MDN1: variants seen among roughly 807,000 people sequenced by gnomAD.
MDN1 encodes midasin.
MDN1 carries 266 observed loss-of-function variants against 669.2 expected under a neutral mutation model. The ratio of observed to expected loss-of-function variants is 0.40; its 90% confidence interval spans 0.36 to 0.44. MDN1 has a LOEUF of 0.44. Ranked by LOEUF, MDN1 falls within the 20% of genes least tolerant of loss-of-function variation. The probability of loss-of-function intolerance (pLI) is 1.00; values close to 1 mark genes in which losing one functional copy is unlikely to be tolerated. For synonymous variants in MDN1, 2,385 were observed against 2,457.1 expected (o/e 0.97, Z 0.87); for missense variants, 5,940 against 6,754.0 (o/e 0.88, Z 4.22).
At chr6:89,689,234 T>TA (rs1812222117) in intron 65 of MDN1, among the ~76,000 whole-genome samples, 1 of 152,202 alleles carries the variant, frequency 6.6e-6, no homozygotes, top group Non-Finnish European at 1.5e-5. Flanking sequence ...TAGAGAACTG[T>TA]AATCCTAATA....
At chr6:89,769,713 T>C (rs764921169) in intron 15 of MDN1, among the ~76,000 whole-genome samples, 6 of 152,236 alleles carry the variant, frequency 3.9e-5, no homozygotes, top group Admixed American at 2.6e-4. Flanking sequence ...AACCAAATTC[T>C]AGTTAATCAT....
At chr6:89,779,611 C>T (rs1045817341) in intron 11 of MDN1, among the ~76,000 whole-genome samples, 19 of 152,220 alleles carry the variant, frequency 1.2e-4, no homozygotes, top group East Asian at 3.9e-4. Flanking sequence ...TATTATTACC[C>T]GGGAGTTTCT....
chr6:89,688,096 G>C lies in MDN1; in HGVS notation c.11337C>G (p.Ile3779Met). ...PISKFLNGLE[I>M]LLAKAQDWEE... Reference sequence around the variant, plus strand: ...AGCTCACCTGTGCCTTTGCCAGAAGGATCTCTAAGCCATTCAGGAACTTTG... The same window carrying C: ...AGCTCACCTGTGCCTTTGCCAGAAGCATCTCTAAGCCATTCAGGAACTTTG... The change falls in exon 67 of 102, where the codon ATC becomes ATG. Residue 3779 changes from isoleucine (I) to methionine (M), a missense_variant. Coordinates refer to ENST00000369393, the MANE Select transcript of MDN1 (RefSeq NM_014611.3). 1 of 1,613,994 alleles carries C rather than the reference G, an allele frequency of 6.2e-7. No homozygotes were observed. The highest frequency in any genetic ancestry group is 8.5e-7 in the Non-Finnish European group (1 of 1,179,840).
At chr6:89,741,208 G>A (rs367863586) in intron 31 of MDN1, among the ~76,000 whole-genome samples, 1 of 152,112 alleles carries the variant, frequency 6.6e-6, no homozygotes, top group African/African-American at 2.4e-5. Flanking sequence ...CTCCAGCCTG[G>A]GCAATACAGC....
At chr6:89,815,307 T>A (rs1768749260) in intron 1 of MDN1, 1 of 479,224 alleles carries the variant, frequency 2.1e-6, no homozygotes, top group Non-Finnish European at 4.1e-6. Flanking sequence ...GAATTCGGCA[T>A]CTCCAGAAGC....
At chr6:89,713,067 G>A in intron 47 of MDN1, 81 bp downstream of exon 47, 2 of 1,473,176 alleles carry the variant, frequency 1.4e-6, no homozygotes, top group Non-Finnish European at 1.8e-6. Flanking sequence ...TCACTGGGTT[G>A]CCACCTTTAA....
chr6:89,653,247 C>T, intron 93 of MDN1, 92 bp from the exon 94 acceptor site: 1 of 1,242,216 alleles, frequency 8.1e-7, no homozygotes, highest in Non-Finnish European at 1.1e-6. Flanking sequence ...GAAAATTAAT[C>T]AAACTTCATT....
intron 71 of MDN1, among the ~76,000 whole-genome samples, chr6:89,684,319 G>A (rs1423048811): frequency 1.3e-5 from 2 of 151,320 alleles, no homozygotes; most frequent in Non-Finnish European, 2.9e-5. Flanking sequence ...CTCCAGCCTA[G>A]GCAACAGAGT....
chr6:89,708,674 ACTCCTTGC>A, intron 50 of MDN1, 46 bp from the exon 51 acceptor site: 4 of 1,587,732 alleles, frequency 2.5e-6, no homozygotes, highest in Non-Finnish European at 3.4e-6. Context: ...TATTGGAGAA[ACTCCTTGC>A]CTGGGAAGTT....
rs1226560372 is a variant in MDN1 at position 89,712,676 on chromosome 6, G to C, written c.7329C>G (p.Leu2443=). The C allele has an allele frequency of 2.5e-6, 4 of 1,614,100 alleles. No individual in the cohort carries two copies. The Admixed American group carries it at 6.7e-5, about 27-fold the overall frequency. ...GLWPDSVPSA[L]FATEDSHLST... ...ACAGGTGTGAATCTTCAGTAGCAAA[G>C]AGAGCTGAGGGCACAGAATCTGGCC... The change falls in exon 48 of 102, where the codon CTC becomes CTG. Residue 2443 remains leucine, a synonymous_variant. Coordinates refer to ENST00000369393, the MANE Select transcript of MDN1 (RefSeq NM_014611.3).
intron 27 of MDN1, among the ~76,000 whole-genome samples, chr6:89,746,584 A>C (rs1194337912): frequency 9.3e-6 from 1 of 107,196 alleles, no homozygotes; most frequent in Non-Finnish European, 1.8e-5. Context: ...ACAGAGGGAG[A>C]CTCTATCTCA....
intron 15 of MDN1, among the ~76,000 whole-genome samples, chr6:89,767,518 G>A (rs1006948532): frequency 1.3e-5 from 2 of 152,048 alleles, no homozygotes; most frequent in Non-Finnish European, 2.9e-5. Flanking sequence ...AGGACTTTGG[G>A]AGGCTGAGGC....
chr6:89,788,065 C>T (rs963783475), intron 7 of MDN1, 108 bp from the exon 8 acceptor site: 2 of 951,056 alleles, frequency 2.1e-6, no homozygotes, highest in South Asian at 1.5e-5. Context: ...TTAAAGGAAA[C>T]GTCAGCTCTC....
Position 89,672,274 on chromosome 6 carries a change from T to C in MDN1, c.13720A>G (p.Ile4574Val), listed in dbSNP as rs1361099582. Reference sequence around the variant, plus strand: ...AACAGCTCGGAGATGGCAGAAATTATTTTCTGCACGTGCAAAGTGCTCACA... The same window carrying C: ...AACAGCTCGGAGATGGCAGAAATTACTTTCTGCACGTGCAAAGTGCTCACA... The part of the protein sequence containing the change: ...ADVSTLHVQK[I>V]ISAISELLER... The change falls in exon 82 of 102, where the codon ATA becomes GTA. Residue 4574 changes from isoleucine (I) to valine (V), a missense_variant. Physicochemically the swap from Ile to Val is conservative, Grantham distance 29 (BLOSUM62 3). Transcript: ENST00000369393. 1.9e-6 allele frequency: 3 copies of C among 1,612,262 alleles called. No homozygotes were observed. The highest frequency in any genetic ancestry group is 2.5e-6 in the Non-Finnish European group (3 of 1,179,708).
At chr6:89,787,551 G>A (rs190273245) in intron 8 of MDN1, among the ~76,000 whole-genome samples, 2 of 152,198 alleles carry the variant, frequency 1.3e-5, no homozygotes, top group Admixed American at 1.3e-4. Context: ...CTAAGTAGCA[G>A]TGTCAGGACT....
intron 80 of MDN1, 49 bp downstream of exon 80, chr6:89,673,187 A>G (rs761663860): frequency 6.9e-7 from 1 of 1,456,716 alleles, no homozygotes; most frequent in South Asian, 1.1e-5. Flanking sequence ...TCTATAAGAC[A>G]TCATTTCTAC....
intron 2 of MDN1, among the ~76,000 whole-genome samples, chr6:89,799,870 G>A (rs928663303): frequency 3.9e-5 from 6 of 152,058 alleles, no homozygotes; most frequent in African/African-American, 7.2e-5. Flanking sequence ...TGTAATTTCC[G>A]ATGCAGTAAG....
chr6:89,771,217 A>C (rs953710053), intron 15 of MDN1, among the ~76,000 whole-genome samples: 1 of 152,204 alleles, frequency 6.6e-6, no homozygotes, highest in Admixed American at 6.5e-5. Context: ...CTTCATTGCT[A>C]TACTAAAAAT....
At chr6:89,656,922 T>C (rs1421772968) in intron 90 of MDN1, 121 bp from the exon 91 acceptor site, 2 of 813,062 alleles carry the variant, frequency 2.5e-6, no homozygotes, top group Non-Finnish European at 3.9e-6. Context: ...ATATAATCAC[T>C]CCTGCCTACC....
Sources: gnomAD v4.1 joint callset for allele counts (sites outside exome capture counted in the v4.1 genomes callset) on GRCh38, gnomAD v4.1.1 for gene constraint, MANE v1.5 for transcripts, NCBI Gene and HGNC (gene_info 2026-07-23, HGNC 2026-07-21) for gene names.